Variants in MARCHF1 observed in about 807,000 individuals in gnomAD.
MARCHF1 encodes E3 ubiquitin-protein ligase MARCHF1.
Under a neutral mutation model 54.2 loss-of-function variants are expected in MARCHF1, and 40 were observed. That is an observed-to-expected ratio of 0.74 (90% confidence interval 0.57 to 0.96). The LOEUF is 0.96. Ranked by LOEUF, MARCHF1 falls within the 40% of genes least tolerant of loss-of-function variation. MARCHF1 has a pLI of 0.00. For synonymous variants in MARCHF1, 236 were observed against 236.3 expected, an observed-to-expected ratio of 1.00 and a Z score of 0.01; for missense variants, 586 against 656.5, an observed-to-expected ratio of 0.89 and a Z score of 1.17.
At chr4:164,222,231 T>C (rs1290510260) in intron 1 of MARCHF1, among the ~76,000 whole-genome samples, 3 of 151,934 alleles carry the variant, frequency 2.0e-5, no homozygotes, top group Non-Finnish European at 4.4e-5. Context: ...ACCTTTTTTT[T>C]TTTTTAGAAT....
chr4:164,327,856 T>C (rs115376915), intron 1 of MARCHF1, among the ~76,000 whole-genome samples: 2,594 of 152,314 alleles, frequency 0.017, 68 homozygotes, highest in African/African-American at 0.059. Flanking sequence ...GGTGCAGCTA[T>C]TCTTTAAAAT....
At chr4:163,679,986 T>G (rs1744051398) in intron 5 of MARCHF1, among the ~76,000 whole-genome samples, 1 of 151,468 alleles carries the variant, frequency 6.6e-6, no homozygotes, top group African/African-American at 2.4e-5. Context: ...TCTGTTTTTT[T>G]TTTTTTTTTC....
At chr4:164,381,941 C>T (rs1731383709) in intron 1 of MARCHF1, among the ~76,000 whole-genome samples, 1 of 152,160 alleles carries the variant, frequency 6.6e-6, no homozygotes, top group South Asian at 2.1e-4. Flanking sequence ...CAGAAGAAAA[C>T]GTTGCTGACA....
chr4:164,172,481 G>C (rs1730552245), intron 1 of MARCHF1, among the ~76,000 whole-genome samples: 1 of 152,052 alleles, frequency 6.6e-6, no homozygotes, highest in Non-Finnish European at 1.5e-5. Flanking sequence ...CAAGTTACAA[G>C]TTATGTACGT....
At chr4:163,781,123 G>GGGGGC (rs560013185) in intron 4 of MARCHF1, among the ~76,000 whole-genome samples, 1 of 152,040 alleles carries the variant, frequency 6.6e-6, no homozygotes, top group South Asian at 2.1e-4. Flanking sequence ...GGGCGGGGGG[G>GGGGGC]GTGGATCACT....
intron 1 of MARCHF1, among the ~76,000 whole-genome samples, chr4:164,239,881 A>C (rs1433714568): frequency 1.3e-5 from 2 of 152,204 alleles, no homozygotes; most frequent in African/African-American, 2.4e-5. Context: ...GACAGCAAGA[A>C]ACCATTCTTA....
intron 5 of MARCHF1, among the ~76,000 whole-genome samples, chr4:163,676,462 A>C (rs1234015813): frequency 6.6e-6 from 1 of 152,138 alleles, no homozygotes; most frequent in Non-Finnish European, 1.5e-5. Flanking sequence ...TAAAGTCATA[A>C]GAGGCTGTGC....
intron 4 of MARCHF1, among the ~76,000 whole-genome samples, chr4:163,820,015 A>T (rs2088037): frequency 0.39 from 59,597 of 151,896 alleles, 12,093 homozygotes; most frequent in East Asian, 0.55. Flanking sequence ...AATAATTTTT[A>T]AAAAATACCG....
At chr4:164,229,439 G>C (rs771987473) in intron 1 of MARCHF1, among the ~76,000 whole-genome samples, 1 of 152,118 alleles carries the variant, frequency 6.6e-6, no homozygotes, top group Non-Finnish European at 1.5e-5. Flanking sequence ...GGGGACTGAG[G>C]CCTTTGGCCA....
chr4:163,621,950 T>C (rs951191887), intron 5 of MARCHF1, among the ~76,000 whole-genome samples: 2 of 152,044 alleles, frequency 1.3e-5, no homozygotes, highest in African/African-American at 4.8e-5. Context: ...TCAGCCAGCA[T>C]GGGCAGTGCC....
intron 4 of MARCHF1, among the ~76,000 whole-genome samples, chr4:163,729,483 T>C (rs2111320084): frequency 6.6e-6 from 1 of 152,252 alleles, no homozygotes; most frequent in Middle Eastern, 3.4e-3. Flanking sequence ...TCAGATTTTT[T>C]GCTTAATGTC....
intron 3 of MARCHF1, among the ~76,000 whole-genome samples, chr4:163,923,956 A>G (rs927569967): frequency 4.6e-5 from 7 of 152,022 alleles, no homozygotes; most frequent in African/African-American, 1.7e-4. Flanking sequence ...ATGGTTTTAT[A>G]TCATCTACCA....
intron 3 of MARCHF1, among the ~76,000 whole-genome samples, chr4:163,883,647 T>C (rs1353134020): frequency 6.6e-6 from 1 of 152,200 alleles, no homozygotes; most frequent in East Asian, 1.9e-4. Context: ...CTAGTTAAAT[T>C]TAAACTTCAA....
intron 1 of MARCHF1, among the ~76,000 whole-genome samples, chr4:164,219,890 T>C (rs529292838): frequency 3.3e-5 from 5 of 152,124 alleles, no homozygotes; most frequent in African/African-American, 1.2e-4. Flanking sequence ...GATTTTGTCA[T>C]TTACTGTTTA....
intron 1 of MARCHF1, among the ~76,000 whole-genome samples, chr4:164,144,332 C>A (rs1245065010): frequency 6.6e-6 from 1 of 151,818 alleles, no homozygotes; most frequent in East Asian, 1.9e-4. Context: ...TAATAGACAT[C>A]TACAGAACTC....
At chr4:163,732,676 T>C (rs889664968) in intron 4 of MARCHF1, among the ~76,000 whole-genome samples, 3 of 152,076 alleles carry the variant, frequency 2.0e-5, no homozygotes, top group East Asian at 1.9e-4. Flanking sequence ...AGACTTCTCA[T>C]TGGAAACAAT....
At chr4:163,992,436 C>G (rs987611920) in intron 2 of MARCHF1, among the ~76,000 whole-genome samples, 5 of 151,834 alleles carry the variant, frequency 3.3e-5, no homozygotes, top group African/African-American at 9.7e-5. Context: ...ATCAAAGAAG[C>G]TTTGAGCAAC....
intron 2 of MARCHF1, among the ~76,000 whole-genome samples, chr4:164,074,614 A>G (rs1754938240): frequency 6.6e-6 from 1 of 152,184 alleles, no homozygotes; most frequent in African/African-American, 2.4e-5. Flanking sequence ...GTAATAAAGA[A>G]AATGAAATAC....
At chr4:163,782,813 G>T (rs1277350115) in intron 4 of MARCHF1, among the ~76,000 whole-genome samples, 3 of 152,098 alleles carry the variant, frequency 2.0e-5, no homozygotes, top group African/African-American at 4.8e-5. Flanking sequence ...CAGGAAGAAA[G>T]AATATGAAGT....
Sources: allele counts gnomAD v4.1 joint callset (sites outside exome capture counted in the v4.1 genomes callset), GRCh38; gene constraint gnomAD v4.1.1; transcripts MANE v1.5; gene names NCBI Gene and HGNC (gene_info 2026-07-23, HGNC 2026-07-21).